B3GLCT: variants seen among roughly 807,000 people sequenced by gnomAD.
B3GLCT encodes beta 3-glucosyltransferase, also known as beta-1,3-glucosyltransferase.
B3GLCT carries 65 observed loss-of-function variants against 63.4 expected under a neutral mutation model. That is an observed-to-expected ratio of 1.03 (90% confidence interval 0.84 to 1.26). B3GLCT has a LOEUF of 1.26. Ranked by LOEUF, B3GLCT falls within the 50% of genes most tolerant of loss-of-function variation. The pLI is 0.00. For synonymous variants in B3GLCT, 233 were observed against 219.2 expected, an observed-to-expected ratio of 1.06 and a Z score of -0.55; for missense variants, 577 against 604.8, an observed-to-expected ratio of 0.95 and a Z score of 0.48.
chr13:31,255,510 A>G (rs922416841), intron 6 of B3GLCT, among the ~76,000 whole-genome samples: 11 of 152,212 alleles, frequency 7.2e-5, no homozygotes, highest in African/African-American at 2.2e-4. Context: ...GCTAAGCAAA[A>G]AGAACAAAGC....
intron 7 of B3GLCT, among the ~76,000 whole-genome samples, chr13:31,266,346 G>A (rs949103600): frequency 6.6e-6 from 1 of 152,060 alleles, no homozygotes; most frequent in Admixed American, 6.6e-5. Flanking sequence ...CTAAAAATTA[G>A]GAAAGCTAAG....
At chr13:31,218,188 T>C (rs1364504857) in intron 2 of B3GLCT, among the ~76,000 whole-genome samples, 2 of 103,008 alleles carry the variant, frequency 1.9e-5, no homozygotes, top group Non-Finnish European at 3.5e-5. Context: ...TTGTGGCTAC[T>C]TTTTTTTTTT....
Position 31,265,657 on chromosome 13 carries a change from C to G in B3GLCT, c.597-3557C>G, listed in dbSNP as rs1350186182. ...ATTTGATCAATTAAAACAATACTTT[C>G]ATTTTTGGAGAAATTTTCATTAACT... is the stretch of plus-strand genomic sequence containing the variant. On this transcript the variant is annotated intron_variant, in intron 7 of 14. Transcript: ENST00000343307. Among the ~76,000 whole-genome samples, 3 of 152,218 alleles carry G rather than the reference C, an allele frequency of 2.0e-5. No individual in the cohort carries two copies. The East Asian group carries it at 5.8e-4, about 29-fold the overall frequency.
At chr13:31,297,609 T>C (rs1035343280) in intron 12 of B3GLCT, among the ~76,000 whole-genome samples, 1 of 152,082 alleles carries the variant, frequency 6.6e-6, no homozygotes, top group African/African-American at 2.4e-5. Flanking sequence ...ATGGGTGTCC[T>C]TTAATTCAAT....
At position 31,223,085 on chromosome 13, in the gene B3GLCT, A is replaced by G. The variant is rs548514731; in HGVS notation, c.160+94A>G. The G allele has an allele frequency of 3.5e-5, 30 of 852,964 alleles. No homozygotes were observed. The South Asian group carries it at 4.1e-4, about 12-fold the overall frequency. 52.8% of individuals were successfully genotyped at this position (852,964 alleles called of 1,614,324 possible). A position where few individuals can be genotyped will look rare whatever the true frequency, so the allele number is the denominator to read the frequency against. On this transcript the variant is annotated intron_variant, in intron 3 of 14. Transcript: ENST00000343307. ...AAGTGATTTTTTTCTGATTTTATTTATGGGGTAAATATTGTTGTTCAAATA... is the reference window on the plus strand; with the variant it reads ...AAGTGATTTTTTTCTGATTTTATTTGTGGGGTAAATATTGTTGTTCAAATA...
At chr13:31,240,895 G>T (rs1180747427) in intron 4 of B3GLCT, among the ~76,000 whole-genome samples, 1 of 151,946 alleles carries the variant, frequency 6.6e-6, no homozygotes, top group Non-Finnish European at 1.5e-5. Flanking sequence ...ACTTACTTTG[G>T]GCAGCGGCCT....
At chr13:31,273,503 A>T (rs1872658602) in intron 8 of B3GLCT, among the ~76,000 whole-genome samples, 1 of 92,856 alleles carries the variant, frequency 1.1e-5, no homozygotes, top group African/African-American at 3.9e-5. Context: ...AAGCATAGTA[A>T]TTTTATAATC....
intron 4 of B3GLCT, among the ~76,000 whole-genome samples, chr13:31,233,900 A>G (rs9315119): frequency 0.23 from 35,122 of 152,178 alleles, 4,211 homozygotes; most frequent in Non-Finnish European, 0.25. Context: ...ATTTGAAGAC[A>G]TACTACGGGC....
At chr13:31,237,125 C>CAA (rs56194545) in intron 4 of B3GLCT, among the ~76,000 whole-genome samples, 130 of 139,202 alleles carry the variant, frequency 9.3e-4, no homozygotes, top group Middle Eastern at 3.6e-3. Flanking sequence ...GACTCCATCT[C>CAA]AAAAAAAAAA....
At chr13:31,279,208 C>T (rs1440363222) in intron 10 of B3GLCT, among the ~76,000 whole-genome samples, 3 of 152,048 alleles carry the variant, frequency 2.0e-5, no homozygotes, top group East Asian at 1.9e-4. Context: ...AAATACAAAT[C>T]GAGCTGAGAA....
intron 12 of B3GLCT, among the ~76,000 whole-genome samples, chr13:31,298,634 T>C (rs1874074303): frequency 3.3e-5 from 5 of 152,260 alleles, no homozygotes. Context: ...TTTCTCTCCG[T>C]TAATACCCAA....
intron 7 of B3GLCT, 136 bp from the exon 8 acceptor site, chr13:31,269,078 A>G (rs1319700760): frequency 4.6e-6 from 3 of 655,166 alleles, no homozygotes; most frequent in Non-Finnish European, 8.0e-6. Context: ...CTTTCCCTCA[A>G]GGAATTTAAA....
intron 4 of B3GLCT, among the ~76,000 whole-genome samples, chr13:31,240,133 C>G (rs932720484): frequency 2.0e-5 from 3 of 151,906 alleles, no homozygotes; most frequent in African/African-American, 7.3e-5. Context: ...TACTGCCCCC[C>G]TCTCTAAAAA....
intron 8 of B3GLCT, 30 bp from the exon 9 acceptor site, chr13:31,274,479 C>T: frequency 6.2e-7 from 1 of 1,614,100 alleles, no homozygotes; most frequent in Non-Finnish European, 8.5e-7. Context: ...TGAGTTCTTT[C>T]ATCACTGCCT....
At chr13:31,238,644 C>CAGT (rs1870775003) in intron 4 of B3GLCT, among the ~76,000 whole-genome samples, 1 of 152,156 alleles carries the variant, frequency 6.6e-6, no homozygotes, top group African/African-American at 2.4e-5. Flanking sequence ...AGTACAGAAT[C>CAGT]AGTGTTTTAA....
intron 7 of B3GLCT, among the ~76,000 whole-genome samples, chr13:31,261,954 G>A (rs1872052224): frequency 6.6e-6 from 1 of 152,152 alleles, no homozygotes; most frequent in African/African-American, 2.4e-5. Flanking sequence ...AAAACCCCCT[G>A]TGTTTCCTAG....
chr13:31,235,468 AGG>A (rs951025727), intron 4 of B3GLCT, among the ~76,000 whole-genome samples: 3 of 152,010 alleles, frequency 2.0e-5, no homozygotes, highest in African/African-American at 7.3e-5. Flanking sequence ...GGCCATACGA[AGG>A]GATACAGAGA....
At chr13:31,308,968 A>G (rs1593312136) in intron 12 of B3GLCT, among the ~76,000 whole-genome samples, 2 of 152,352 alleles carry the variant, frequency 1.3e-5, no homozygotes, top group East Asian at 3.9e-4. Flanking sequence ...ATAGATAACA[A>G]TAATCAAGGG....
chr13:31,202,607 T>C (rs1375212770), intron 1 of B3GLCT, among the ~76,000 whole-genome samples: 1 of 152,198 alleles, frequency 6.6e-6, no homozygotes, highest in African/African-American at 2.4e-5. Flanking sequence ...AGCAGCACTG[T>C]GAGACATTTC....
Sources: gnomAD v4.1 joint callset for allele counts (sites outside exome capture counted in the v4.1 genomes callset) on GRCh38, gnomAD v4.1.1 for gene constraint, MANE v1.5 for transcripts, NCBI Gene and HGNC (gene_info 2026-07-23, HGNC 2026-07-21) for gene names.